Variants in LAMA4 observed in about 807,000 individuals in gnomAD.
LAMA4 encodes the protein laminin subunit alpha-4.
Under a neutral mutation model 207.1 loss-of-function variants are expected in LAMA4, and 127 were observed. The observed-to-expected ratio is 0.61, with a 90% CI of 0.53 to 0.71. LAMA4 has a LOEUF of 0.71. Ranked by LOEUF, LAMA4 falls within the 30% of genes least tolerant of loss-of-function variation. The pLI, the probability that LAMA4 is intolerant of heterozygous loss-of-function variation, is 0.00. For missense variants in LAMA4, 2,093 were observed against 2,246.5 expected (o/e 0.93, Z 1.38); for synonymous variants, 761 against 816.0 (o/e 0.93, Z 1.15).
At chr6:112,136,004 G>A in intron 25 of LAMA4, 119 bp downstream of exon 25, 1 of 880,858 alleles carries the variant, frequency 1.1e-6, no homozygotes, top group Non-Finnish European at 1.9e-6. Flanking sequence ...TTGCTCTTTA[G>A]ATATGAAAGT....
intron 5 of LAMA4, among the ~76,000 whole-genome samples, chr6:112,194,137 T>G (rs550530101): frequency 1.1e-4 from 17 of 152,326 alleles, no homozygotes; most frequent in African/African-American, 3.8e-4. Context: ...CATAAATTAT[T>G]CCTCTATGGA....
At chr6:112,219,726 T>G (rs897262132) in intron 2 of LAMA4, among the ~76,000 whole-genome samples, 2 of 152,190 alleles carry the variant, frequency 1.3e-5, no homozygotes, top group South Asian at 4.1e-4. Flanking sequence ...AACATGAATA[T>G]CTACCATGTT....
chr6:112,241,172 A>AATATATAGGAATATATATGAAT lies in LAMA4; in HGVS notation c.195+12783_195+12784insATTCATATATATTCCTATATAT, dbSNP rs1786460200. Among the ~76,000 whole-genome samples, 9 of 89,394 alleles carry AATATATAGGAATATATATGAAT rather than the reference A, an allele frequency of 1.0e-4. 1 individual carries two copies. Among genetic ancestry groups the AATATATAGGAATATATATGAAT allele is most frequent in the Admixed American group, 6.1e-4 (6 of 9,904 alleles). The allele number at this position is 89,394 out of a possible 152,430, so 58.6% of individuals were successfully genotyped here. On this transcript the variant is annotated intron_variant, in intron 2 of 38. Transcript: ENST00000230538. ...ATGAATATATATATGAATATATATG[A>AATATATAGGAATATATATGAAT]ATATATATGAATATATATGAATATA... is the stretch of plus-strand genomic sequence containing the variant.
Position 112,109,429 on chromosome 6 carries a change from C to G in LAMA4, c.*8G>C. On this transcript the variant is annotated 3_prime_UTR_variant, in exon 39 of 39. Coordinates refer to ENST00000230538, the MANE Select transcript of LAMA4 (RefSeq NM_001105206.3). ...AACTTTGTATTTGGGCAGCTGTGCTCTGTCATGTCAGGCTGCTGGACAGGA... is the reference window on the plus strand; with the variant it reads ...AACTTTGTATTTGGGCAGCTGTGCTGTGTCATGTCAGGCTGCTGGACAGGA... 6.2e-7 allele frequency: 1 copy of G among 1,613,764 alleles called. No homozygotes were observed. Among genetic ancestry groups the G allele is most frequent in the South Asian group, 1.1e-5 (1 of 91,064 alleles).
chr6:112,163,677 A>G (rs1781217980), intron 13 of LAMA4, among the ~76,000 whole-genome samples: 1 of 152,174 alleles, frequency 6.6e-6, no homozygotes, highest in African/African-American at 2.4e-5. Flanking sequence ...CAGCAATGAT[A>G]AGTCACTCGA....
intron 5 of LAMA4, among the ~76,000 whole-genome samples, chr6:112,199,503 CTGT>C (rs1246695854): frequency 1.3e-5 from 2 of 152,148 alleles, no homozygotes; most frequent in African/African-American, 4.8e-5. Flanking sequence ...CCTCCTATTC[CTGT>C]GTCTCCAAGT....
At chr6:112,155,855 G>A (rs1780680618) in intron 14 of LAMA4, 149 bp from the exon 15 acceptor site, 2 of 839,412 alleles carry the variant, frequency 2.4e-6, no homozygotes, top group Non-Finnish European at 3.9e-6. Context: ...TTTTCTTGAG[G>A]GTCACACCTC....
At chr6:112,242,551 A>C (rs1786593929) in intron 2 of LAMA4, among the ~76,000 whole-genome samples, 1 of 152,212 alleles carries the variant, frequency 6.6e-6, no homozygotes, top group African/African-American at 2.4e-5. Flanking sequence ...GTGAAAATGT[A>C]GATTCTGATT....
At chr6:112,178,607 T>C (rs1167899530) in intron 9 of LAMA4, 2 of 287,240 alleles carry the variant, frequency 7.0e-6, no homozygotes, top group South Asian at 3.6e-5. Flanking sequence ...CCAAAGTCCA[T>C]TGTATCATTC....
Position 112,215,734 on chromosome 6 carries a change from G to C in LAMA4, c.297+634C>G, listed in dbSNP as rs1266173119. Reference sequence around the variant, plus strand: ...GGAAATATGTAGCAAGTACTTTTCTGCTGGAAGACTTCTCAATCTTTCGCA... The same window carrying C: ...GGAAATATGTAGCAAGTACTTTTCTCCTGGAAGACTTCTCAATCTTTCGCA... On this transcript the variant is annotated intron_variant, in intron 3 of 38. Transcript: ENST00000230538. Among the ~76,000 whole-genome samples, 18 of 152,140 alleles carry C rather than the reference G, an allele frequency of 1.2e-4. 1 individual carries two copies. Among genetic ancestry groups the C allele is most frequent in the African/African-American group, 3.4e-4 (14 of 41,420 alleles).
intron 18 of LAMA4, among the ~76,000 whole-genome samples, chr6:112,146,159 G>A (rs547722494): frequency 5.3e-5 from 8 of 152,176 alleles, no homozygotes; most frequent in African/African-American, 1.9e-4. Flanking sequence ...GTATGGTGGT[G>A]CACGCCTGTA....
At chr6:112,135,249 T>C (rs1554331198) in intron 25 of LAMA4, among the ~76,000 whole-genome samples, 1 of 152,192 alleles carries the variant, frequency 6.6e-6, no homozygotes, top group African/African-American at 2.4e-5. Flanking sequence ...CAACTGAAAC[T>C]GTATACACAT....
chr6:112,187,745 G>T, intron 7 of LAMA4, 144 bp from the exon 8 acceptor site: 2 of 873,416 alleles, frequency 2.3e-6, no homozygotes, highest in Non-Finnish European at 3.7e-6. Context: ...TTCTTGTCAG[G>T]CTTTAGTATC....
intron 2 of LAMA4, among the ~76,000 whole-genome samples, chr6:112,237,756 C>T (rs1786040667): frequency 6.6e-6 from 1 of 152,190 alleles, no homozygotes; most frequent in Non-Finnish European, 1.5e-5. Flanking sequence ...TTGACAGAAC[C>T]TTGGCGATGA....
chr6:112,158,383 G>A, intron 14 of LAMA4: 1 of 319,440 alleles, frequency 3.1e-6, no homozygotes, highest in Non-Finnish European at 6.0e-6. Flanking sequence ...ATTTGACAAT[G>A]TTTTATACAT....
At chr6:112,163,148 A>T (rs1001963276) in intron 13 of LAMA4, among the ~76,000 whole-genome samples, 44 of 105,830 alleles carry the variant, frequency 4.2e-4, no homozygotes, top group Non-Finnish European at 5.5e-4. Flanking sequence ...TTTAAAAAAA[A>T]ATTTTCTTTT....
At chr6:112,203,853 G>T (rs1055203105) in intron 4 of LAMA4, among the ~76,000 whole-genome samples, 2 of 152,066 alleles carry the variant, frequency 1.3e-5, no homozygotes, top group Admixed American at 1.3e-4. Flanking sequence ...TTGAGTTTTC[G>T]TGTCTGTGAA....
chr6:112,109,855 A>G (rs1455510902), intron 38 of LAMA4, among the ~76,000 whole-genome samples: 1 of 152,184 alleles, frequency 6.6e-6, no homozygotes, highest in Non-Finnish European at 1.5e-5. Context: ...TACCACTTAC[A>G]TGTAAAGCCT....
In LAMA4 at chr6:112,211,857, T is replaced by C. The variant is rs146131635; in HGVS notation, c.297+4511A>G. 5.8e-3 allele frequency among the ~76,000 whole-genome samples: 880 copies of C among 152,122 alleles called. 12 individuals carry two copies. Among genetic ancestry groups the C allele is most frequent in the African/African-American group, 0.02 (843 of 41,514 alleles). On this transcript the variant is annotated intron_variant, in intron 3 of 38. Coordinates refer to ENST00000230538, the MANE Select transcript of LAMA4 (RefSeq NM_001105206.3). ...GAGGATTTTGGAAAGTGGGATGCCT[T>C]GATTGGGTTGTGTTTTTGAAAGACG... is the stretch of plus-strand genomic sequence containing the variant.
Sources: gnomAD v4.1 joint callset for allele counts (sites outside exome capture counted in the v4.1 genomes callset) on GRCh38, gnomAD v4.1.1 for gene constraint, MANE v1.5 for transcripts, NCBI Gene and HGNC (gene_info 2026-07-23, HGNC 2026-07-21) for gene names.